Variants in AGPAT3 observed in about 807,000 individuals in gnomAD.
AGPAT3 encodes the protein 1-acyl-sn-glycerol-3-phosphate acyltransferase gamma.
In AGPAT3, 5 loss-of-function variants were observed where a neutral mutation model predicts 47.3. That is an observed-to-expected ratio of 0.11 (90% CI 0.06 to 0.22). The LOEUF is 0.22. Among genes scored for constraint, AGPAT3 ranks in the 10% least tolerant of loss-of-function variants. The pLI is 1.00. For synonymous variants in AGPAT3, 212 were observed against 208.3 expected (o/e 1.02, Z -0.15); for missense variants, 315 against 493.0 (o/e 0.64, Z 3.42).
intron 1 of AGPAT3, among the ~76,000 whole-genome samples, chr21:43,888,103 C>T (rs1192618843): frequency 6.6e-6 from 1 of 152,204 alleles, no homozygotes; most frequent in Non-Finnish European, 1.5e-5. Flanking sequence ...TGCAGTGGCA[C>T]AGTCGCAGCT....
rs1403347985 is a variant in AGPAT3 at position 43,930,992 on chromosome 21, C to T, written c.-49+26973C>T. On this transcript the variant is annotated intron_variant, in intron 2 of 9. Coordinates refer to ENST00000291572, the MANE Select transcript of AGPAT3 (RefSeq NM_020132.5). The surrounding 1 kb of genome is among the most constrained non-coding windows in gnomAD (Gnocchi z 5.0). ...GTGGGGGCTCTAGAGTGGGGGTGAA[C>T]GCACGTCTGAGGCTCATCAGGGACT... 2.6e-5 allele frequency among the ~76,000 whole-genome samples: 4 copies of T among 152,108 alleles called. No individual in the cohort carries two copies. Among genetic ancestry groups the T allele is most frequent in the Admixed American group, 6.5e-5 (1 of 15,296 alleles).
At chr21:43,905,340 C>T (rs1418558174) in intron 2 of AGPAT3, among the ~76,000 whole-genome samples, 1 of 152,010 alleles carries the variant, frequency 6.6e-6, no homozygotes, top group Non-Finnish European at 1.5e-5. Flanking sequence ...CAGGCGCCCG[C>T]CACCACGTCC....
rs937765836 is a variant in AGPAT3 at position 43,922,591 on chromosome 21, C to T, written c.-49+18572C>T. ...GCACAGAGACTCTGGGCCTGGGTCC[C>T]CCCCGGCACAGTCTGTGACCTGTGA... On this transcript the variant is annotated intron_variant, in intron 2 of 9. Transcript: ENST00000291572. This position sits in a 1 kb window ranked among gnomAD's most constrained non-coding sequence, Gnocchi z 4.9. 6.6e-6 allele frequency among the ~76,000 whole-genome samples: 1 copy of T among 152,194 alleles called. No homozygotes were observed. Among genetic ancestry groups the T allele is most frequent in the Admixed American group, 6.5e-5 (1 of 15,290 alleles).
chr21:43,974,972 GA>G (rs2146851959), intron 7 of AGPAT3, among the ~76,000 whole-genome samples: 1 of 152,364 alleles, frequency 6.6e-6, no homozygotes, highest in Non-Finnish European at 1.5e-5. Context: ...GCATGCGGCA[GA>G]GGCTTGTGAA....
At chr21:43,870,595 T>C (rs1284475278) in intron 1 of AGPAT3, among the ~76,000 whole-genome samples, 1 of 150,550 alleles carries the variant, frequency 6.6e-6, no homozygotes, top group Non-Finnish European at 1.5e-5. Context: ...TGGTGGCGCA[T>C]GCATAGGTCC....
At chr21:43,891,874 T>G (rs9985020) in intron 1 of AGPAT3, among the ~76,000 whole-genome samples, 2,825 of 152,308 alleles carry the variant, frequency 0.019, 74 homozygotes, top group African/African-American at 0.065. Flanking sequence ...ATCATGCGTC[T>G]TCTTAATGGC....
intron 2 of AGPAT3, among the ~76,000 whole-genome samples, chr21:43,957,072 C>T (rs993296227): frequency 2.0e-5 from 3 of 152,174 alleles, no homozygotes; most frequent in Non-Finnish European, 4.4e-5. Flanking sequence ...GGCCCAGTGT[C>T]TGGGAGAGGT....
intron 2 of AGPAT3, among the ~76,000 whole-genome samples, chr21:43,946,088 G>A (rs531744927): frequency 1.3e-5 from 2 of 152,324 alleles, no homozygotes; most frequent in South Asian, 2.1e-4. Context: ...CCCCAGGGAC[G>A]GGAGGGCTCA....
intron 1 of AGPAT3, among the ~76,000 whole-genome samples, chr21:43,885,685 C>T (rs2145893622): frequency 6.6e-6 from 1 of 152,314 alleles, no homozygotes; most frequent in East Asian, 1.9e-4. Context: ...TGCCCAGTGC[C>T]AGTTTCTTAT....
chr21:43,889,930 A>G (rs1335181798), intron 1 of AGPAT3, among the ~76,000 whole-genome samples: 3 of 152,254 alleles, frequency 2.0e-5, no homozygotes, highest in South Asian at 2.1e-4. Context: ...TTCCTACAAT[A>G]TGACATTTTG....
intron 8 of AGPAT3, 103 bp from the exon 9 acceptor site, chr21:43,980,886 T>G: frequency 8.5e-7 from 1 of 1,172,918 alleles, no homozygotes; most frequent in Non-Finnish European, 1.2e-6. Flanking sequence ...GTGGCGCTTT[T>G]TTTAGGTTGA....
intron 3 of AGPAT3, among the ~76,000 whole-genome samples, chr21:43,961,524 CGGT>C (rs1569094732): frequency 7.8e-6 from 1 of 128,466 alleles, no homozygotes. Context: ...TCGTGGGAAA[CGGT>C]GAGCGCGTAT....
At chr21:43,941,319 G>A (rs537480653) in intron 2 of AGPAT3, among the ~76,000 whole-genome samples, 11 of 152,246 alleles carry the variant, frequency 7.2e-5, no homozygotes, top group African/African-American at 7.2e-5. Flanking sequence ...TGCTAACAGC[G>A]GGGAGGGTCA....
rs1456614146 is a variant in AGPAT3 at position 43,954,906 on chromosome 21, C to T, written c.-48-4728C>T. 14 of 642,020 alleles carry T rather than the reference C, an allele frequency of 2.2e-5. No individual in the cohort carries two copies. The highest frequency in any genetic ancestry group is 5.3e-5 in the Admixed American group (1 of 18,930). The allele number at this position is 642,020 out of a possible 1,614,324, so 39.8% of individuals were successfully genotyped here. Reference sequence around the variant, plus strand: ...GCGTGGGCTCTCCGGGGAGTCTCTGCGTAGACTTTCTAGCCCAGAGGTTCA... The same window carrying T: ...GCGTGGGCTCTCCGGGGAGTCTCTGTGTAGACTTTCTAGCCCAGAGGTTCA... On this transcript the variant is annotated intron_variant, in intron 2 of 9. Transcript: ENST00000291572. The surrounding 1 kb of genome is among the most constrained non-coding windows in gnomAD (Gnocchi z 4.0).
At position 43,913,422 on chromosome 21, in the gene AGPAT3, A is replaced by T. The variant is rs533246613; in HGVS notation, c.-49+9403A>T. ...CAACATGGTGAAACCCCGTCTCTAT[A>T]AAAAAATACAAAAATTAGCCAGGCA... is the stretch of plus-strand genomic sequence containing the variant. On this transcript the variant is annotated intron_variant, in intron 2 of 9. Transcript: ENST00000291572. Among the ~76,000 whole-genome samples, 100 of 152,096 alleles carry T rather than the reference A, an allele frequency of 6.6e-4. 1 individual carries two copies. The highest frequency in any genetic ancestry group is 2.3e-3 in the African/African-American group (96 of 41,498).
chr21:43,948,101 A>C (rs1015400705), intron 2 of AGPAT3: 1 of 152,246 alleles, frequency 6.6e-6, no homozygotes, highest in Non-Finnish European at 1.5e-5. Flanking sequence ...GCCAAAGGTA[A>C]CAGAGATAGT....
At chr21:43,910,261 GC>G (rs1304588866) in intron 2 of AGPAT3, among the ~76,000 whole-genome samples, 1 of 152,186 alleles carries the variant, frequency 6.6e-6, no homozygotes, top group Non-Finnish European at 1.5e-5. Flanking sequence ...CTGGTCCTGC[GC>G]CCGTGAGAGG....
In AGPAT3 at chr21:43,929,925, A is replaced by G. The variant is rs146052822; in HGVS notation, c.-49+25906A>G. 4.6e-3 allele frequency among the ~76,000 whole-genome samples: 698 copies of G among 152,354 alleles called. 6 individuals are homozygous for G. Among genetic ancestry groups the G allele is most frequent in the African/African-American group, 0.016 (663 of 41,588 alleles). On this transcript the variant is annotated intron_variant, in intron 2 of 9. Transcript: ENST00000291572. ...CCCAGCGAGCTCACAGTGTCTCATT[A>G]ACCTCATAAATGCAGCGGACACTGG...
At position 43,954,851 on chromosome 21, in the gene AGPAT3, G is replaced by A. The variant is rs776982881; in HGVS notation, c.-48-4783G>A. 8 of 222,298 alleles carry A rather than the reference G, an allele frequency of 3.6e-5. No homozygotes were observed. The highest frequency in any genetic ancestry group is 6.3e-5 in the Admixed American group (1 of 15,920). 13.8% of individuals were successfully genotyped at this position (222,298 alleles called of 1,614,324 possible). ...GGGCACTGAGTGCTGTGTGGCACCC[G>A]GGCCAGGAGAAACATGTGCCAGAGG... is the stretch of plus-strand genomic sequence containing the variant. On this transcript the variant is annotated intron_variant, in intron 2 of 9. Transcript: ENST00000291572. The surrounding 1 kb of genome is among the most constrained non-coding windows in gnomAD (Gnocchi z 4.0).
Sources: allele counts gnomAD v4.1 joint callset (sites outside exome capture counted in the v4.1 genomes callset), GRCh38; gene constraint gnomAD v4.1.1; non-coding constraint Gnocchi (gnomAD v3.1); transcripts MANE v1.5; gene names NCBI Gene and HGNC (gene_info 2026-07-23, HGNC 2026-07-21).